The following ANTXR2 variants were observed in gnomAD, a reference collection of about 807,000 sequenced individuals.
ANTXR2 encodes anthrax toxin receptor 2.
In ANTXR2, 44 loss-of-function variants were observed where a neutral mutation model predicts 73.7. The ratio of observed to expected loss-of-function variants is 0.60; its 90% CI spans 0.47 to 0.77. The LOEUF is 0.77. Among genes scored for constraint, ANTXR2 ranks in the 30% least tolerant of loss-of-function variants. ANTXR2 has a pLI of 0.00. For missense variants in ANTXR2, 604 were observed against 592.5 expected, an observed-to-expected ratio of 1.02 and a Z score of -0.20; for synonymous variants, 217 against 205.9, an observed-to-expected ratio of 1.05 and a Z score of -0.46.
chr4:79,961,724 G>T (rs1479784902), intron 16 of ANTXR2, among the ~76,000 whole-genome samples: 1 of 152,134 alleles, frequency 6.6e-6, no homozygotes, highest in Non-Finnish European at 1.5e-5. Context: ...GCAGGTGTGA[G>T]CCCCACACTC....
intron 7 of ANTXR2, among the ~76,000 whole-genome samples, chr4:80,038,226 T>C (rs1042608705): frequency 6.6e-6 from 1 of 152,160 alleles, no homozygotes; most frequent in Non-Finnish European, 1.5e-5. Flanking sequence ...TAACTTTATA[T>C]TTGTTTTCTC....
At chr4:79,993,760 GCA>G (rs1553931141) in intron 12 of ANTXR2, among the ~76,000 whole-genome samples, 27 of 140,734 alleles carry the variant, frequency 1.9e-4, no homozygotes, top group South Asian at 1.1e-3. Context: ...ACACACACAC[GCA>G]CACACACACA....
At chr4:80,012,780 T>C (rs145732672) in intron 11 of ANTXR2, among the ~76,000 whole-genome samples, 2 of 152,172 alleles carry the variant, frequency 1.3e-5, no homozygotes, top group Admixed American at 1.3e-4. Context: ...TGAAACCACC[T>C]GCTGTTACAC....
At chr4:79,927,170 C>A (rs1346071132) in intron 16 of ANTXR2, among the ~76,000 whole-genome samples, 1 of 151,294 alleles carries the variant, frequency 6.6e-6, no homozygotes. Context: ...CAAAAACAGA[C>A]ATAGAAAAAG....
At chr4:80,063,426 T>C (rs1177190979) in intron 3 of ANTXR2, among the ~76,000 whole-genome samples, 1 of 98,822 alleles carries the variant, frequency 1.0e-5, no homozygotes, top group Non-Finnish European at 2.1e-5. Context: ...GTAACATTAA[T>C]TTCAGCATTT....
rs933243189 is a variant in ANTXR2 at position 79,902,626 on chromosome 4, C to T, written c.*4803G>A. On this transcript the variant is annotated 3_prime_UTR_variant, in exon 17 of 17. Coordinates refer to ENST00000403729, the MANE Select transcript of ANTXR2 (RefSeq NM_058172.6). ...TTACCCATCTTTTTAGAGATTTCAT[C>T]AGATATAAACTGTAAGTTTCCTCTT... is the stretch of plus-strand genomic sequence containing the variant. 2 of 152,050 alleles carry T rather than the reference C, an allele frequency of 1.3e-5. No individual in the cohort carries two copies. The highest frequency in any genetic ancestry group is 3.9e-4 in the East Asian group (2 of 5,190). The allele number at this position is 152,050 out of a possible 1,614,324, so 9.4% of individuals were successfully genotyped here.
At chr4:80,017,975 C>A (rs1406069839) in intron 11 of ANTXR2, among the ~76,000 whole-genome samples, 1 of 152,166 alleles carries the variant, frequency 6.6e-6, no homozygotes, top group Non-Finnish European at 1.5e-5. Context: ...TGCCTTTTAC[C>A]TGAAGCATTG....
At chr4:79,951,471 G>A (rs1439701050) in intron 16 of ANTXR2, among the ~76,000 whole-genome samples, 2 of 152,058 alleles carry the variant, frequency 1.3e-5, no homozygotes, top group Non-Finnish European at 2.9e-5. Flanking sequence ...AGCTACTCAG[G>A]AGGCTGAGGC....
Position 80,072,581 on chromosome 4 carries a change from A to T in ANTXR2, c.-21T>A, listed in dbSNP as rs563789742. On this transcript the variant is annotated 5_prime_UTR_variant, in exon 1 of 17. Transcript: ENST00000403729. ...ACCATCCTGCGGCCGGGGGCCTGAGACTCCCTCCCGCTCGCAGTCCCCTAA... is the reference window on the plus strand; with the variant it reads ...ACCATCCTGCGGCCGGGGGCCTGAGTCTCCCTCCCGCTCGCAGTCCCCTAA... The T allele has an allele frequency of 3.7e-5, 55 of 1,498,448 alleles. No homozygotes were observed. In the African/African-American group the frequency reaches 7.0e-4, roughly 19 times the overall value. The allele number at this position is 1,498,448 out of a possible 1,614,324, so 92.8% of individuals were successfully genotyped here. A position where few individuals can be genotyped will look rare whatever the true frequency, so the allele number is the denominator to read the frequency against.
intron 16 of ANTXR2, among the ~76,000 whole-genome samples, chr4:79,928,887 C>A (rs1727940539): frequency 6.6e-6 from 1 of 152,086 alleles, no homozygotes; most frequent in Admixed American, 6.5e-5. Flanking sequence ...CAAGAAAATA[C>A]CTGACATTTC....
chr4:80,008,348 A>G (rs1047880482), intron 12 of ANTXR2, among the ~76,000 whole-genome samples, 173 bp downstream of exon 12: 1 of 152,226 alleles, frequency 6.6e-6, no homozygotes, highest in Non-Finnish European at 1.5e-5. Flanking sequence ...TTTTAAATAA[A>G]TATTTACTGA....
intron 12 of ANTXR2, among the ~76,000 whole-genome samples, chr4:79,999,788 A>G (rs1730931663): frequency 6.6e-6 from 1 of 151,998 alleles, no homozygotes; most frequent in Non-Finnish European, 1.5e-5. Flanking sequence ...GTTATGGTGC[A>G]TGCCTATATT....
At chr4:80,031,535 T>C (rs1192699188) in intron 10 of ANTXR2, 88 bp downstream of exon 10, 3 of 1,056,422 alleles carry the variant, frequency 2.8e-6, no homozygotes, top group African/African-American at 1.7e-5. Context: ...CAAAAAAAGA[T>C]AGAATAAAAT....
intron 16 of ANTXR2, among the ~76,000 whole-genome samples, chr4:79,972,678 C>A (rs1729458254): frequency 4.3e-4 from 1 of 2,326 alleles, no homozygotes; most frequent in African/African-American, 7.6e-4. Flanking sequence ...GAACAAAAAA[C>A]CAAACACCGC....
At chr4:79,918,035 G>C in intron 16 of ANTXR2, among the ~76,000 whole-genome samples, 1 of 151,688 alleles carries the variant, frequency 6.6e-6, no homozygotes, top group Non-Finnish European at 1.5e-5. Flanking sequence ...TGTAATAATA[G>C]GATACCAAAA....
At chr4:79,961,940 A>G (rs1729160553) in intron 16 of ANTXR2, among the ~76,000 whole-genome samples, 1 of 152,182 alleles carries the variant, frequency 6.6e-6, no homozygotes, top group African/African-American at 2.4e-5. Flanking sequence ...TGACTCCACT[A>G]AATAGCTAAT....
chr4:80,022,189 T>A (rs774735976), intron 10 of ANTXR2, among the ~76,000 whole-genome samples: 3 of 152,242 alleles, frequency 2.0e-5, no homozygotes, highest in Non-Finnish European at 4.4e-5. Context: ...TTCATTTGAA[T>A]CTTCTAGCTT....
chr4:80,069,584 G>A, intron 2 of ANTXR2, 77 bp from the exon 3 acceptor site: 4 of 1,201,450 alleles, frequency 3.3e-6, no homozygotes, highest in Non-Finnish European at 4.7e-6. Context: ...TAGTTAGGGA[G>A]GTTCATTTAA....
At chr4:79,961,063 A>G (rs1214305938) in intron 16 of ANTXR2, among the ~76,000 whole-genome samples, 1 of 152,092 alleles carries the variant, frequency 6.6e-6, no homozygotes, top group Non-Finnish European at 1.5e-5. Context: ...CACCATCATA[A>G]TGCATTCTAT....
Sources: allele counts gnomAD v4.1 joint callset (sites outside exome capture counted in the v4.1 genomes callset), GRCh38; gene constraint gnomAD v4.1.1; transcripts MANE v1.5; gene names NCBI Gene and HGNC (gene_info 2026-07-23, HGNC 2026-07-21).